AGBL4: variants seen among roughly 807,000 people sequenced by gnomAD.
AGBL4 encodes AGBL carboxypeptidase 4, also known as cytosolic carboxypeptidase 6.
AGBL4 carries 58 observed loss-of-function variants against 66.4 expected under a neutral mutation model. The observed-to-expected ratio is 0.87, with a 90% CI of 0.71 to 1.09. AGBL4 has a LOEUF of 1.09. Among genes scored for constraint, AGBL4 ranks in the 50% least tolerant of loss-of-function variants. The pLI is 0.00. For missense variants in AGBL4, 579 were observed against 631.0 expected (o/e 0.92, Z 0.88); for synonymous variants, 234 against 222.9 (o/e 1.05, Z -0.44).
intron 4 of AGBL4, among the ~76,000 whole-genome samples, chr1:49,207,468 CTCTT>C (rs1019739417): frequency 2.9e-3 from 40 of 13,706 alleles, no homozygotes; most frequent in Non-Finnish European, 7.8e-3. Flanking sequence ...TTCTTTCTTT[CTCTT>C]TCTTTCTTTT....
chr1:48,593,712 T>C (rs776316282), intron 9 of AGBL4, among the ~76,000 whole-genome samples: 2 of 152,008 alleles, frequency 1.3e-5, no homozygotes, highest in Non-Finnish European at 2.9e-5. Flanking sequence ...GATCACGCCA[T>C]TGCACTCCAG....
chr1:49,821,005 A>G lies in AGBL4; in HGVS notation c.157+30391T>C, dbSNP rs576326858. 1.1e-3 allele frequency among the ~76,000 whole-genome samples: 169 copies of G among 152,330 alleles called. 1 individual carries two copies. The highest frequency in any genetic ancestry group is 1.5e-3 in the Non-Finnish European group (99 of 68,026). The stretch of plus-strand genomic sequence containing the variant: ...GTGAAAACACTTTGTTAATCATAAA[A>G]TGCTTACAAATATTAGCAATTATTA... On this transcript the variant is annotated intron_variant, in intron 2 of 13. Coordinates refer to ENST00000371839, the MANE Select transcript of AGBL4 (RefSeq NM_032785.4).
At chr1:49,178,535 A>G (rs751958872) in intron 4 of AGBL4, among the ~76,000 whole-genome samples, 17 of 152,194 alleles carry the variant, frequency 1.1e-4, no homozygotes, top group Non-Finnish European at 1.6e-4. Context: ...ATTCAGCACT[A>G]TATTCTTAGG....
At chr1:48,670,155 A>G (rs1646254021) in intron 6 of AGBL4, among the ~76,000 whole-genome samples, 1 of 152,208 alleles carries the variant, frequency 6.6e-6, no homozygotes. Context: ...CCCTATCTTC[A>G]CAAATGGTGT....
At chr1:49,892,244 T>C (rs933899373) in intron 1 of AGBL4, among the ~76,000 whole-genome samples, 25 of 152,302 alleles carry the variant, frequency 1.6e-4, no homozygotes, top group Admixed American at 7.2e-4. Context: ...ATTTATAAAA[T>C]TGTCAATTTT....
chr1:49,248,747 G>T (rs1412727150), intron 3 of AGBL4, among the ~76,000 whole-genome samples: 2 of 152,046 alleles, frequency 1.3e-5, no homozygotes, highest in Non-Finnish European at 2.9e-5. Flanking sequence ...ATTGTATCTA[G>T]ATCTAAACAG....
chr1:49,190,069 G>GA (rs1647087026), intron 4 of AGBL4, among the ~76,000 whole-genome samples: 1 of 152,202 alleles, frequency 6.6e-6, no homozygotes, highest in African/African-American at 2.4e-5. Flanking sequence ...TTGCTAGCCT[G>GA]TTCTATGTGA....
At chr1:49,582,099 G>C (rs79514213) in intron 3 of AGBL4, among the ~76,000 whole-genome samples, 1,671 of 152,250 alleles carry the variant, frequency 0.011, 27 homozygotes, top group African/African-American at 0.039. Context: ...CAAGTCCTTA[G>C]GTGTCCTACG....
intron 3 of AGBL4, among the ~76,000 whole-genome samples, chr1:49,593,077 T>G (rs933616224): frequency 6.6e-6 from 1 of 152,176 alleles, no homozygotes; most frequent in Admixed American, 6.5e-5. Context: ...ATCACTTTTG[T>G]ACAAGAATAT....
chr1:49,681,044 A>C (rs770631744), intron 3 of AGBL4, among the ~76,000 whole-genome samples: 1 of 151,820 alleles, frequency 6.6e-6, no homozygotes, highest in Non-Finnish European at 1.5e-5. Context: ...TGTATTTTCC[A>C]GTTCTAAAAT....
At chr1:49,160,510 G>A (rs1646519535) in intron 4 of AGBL4, among the ~76,000 whole-genome samples, 1 of 152,138 alleles carries the variant, frequency 6.6e-6, no homozygotes, top group African/African-American at 2.4e-5. Context: ...GTGTCTCCCA[G>A]TCAGGAGACA....
At chr1:49,344,337 G>A (rs749663783) in intron 3 of AGBL4, among the ~76,000 whole-genome samples, 9 of 152,034 alleles carry the variant, frequency 5.9e-5, no homozygotes, top group Non-Finnish European at 1.2e-4. Context: ...AAAGACTACT[G>A]GAGAAACAGT....
chr1:49,328,425 G>A (rs1198528971), intron 3 of AGBL4, among the ~76,000 whole-genome samples: 1 of 152,092 alleles, frequency 6.6e-6, no homozygotes, highest in Non-Finnish European at 1.5e-5. Flanking sequence ...TATTCTTCTT[G>A]TCTTGGTTTT....
At chr1:49,074,086 C>G (rs757011769) in intron 4 of AGBL4, among the ~76,000 whole-genome samples, 5 of 152,306 alleles carry the variant, frequency 3.3e-5, no homozygotes, top group African/African-American at 4.8e-5. Flanking sequence ...GCCCCTCCCC[C>G]CACCAAGCTC....
At chr1:49,373,078 C>A (rs560402616) in intron 3 of AGBL4, among the ~76,000 whole-genome samples, 1 of 152,144 alleles carries the variant, frequency 6.6e-6, no homozygotes, top group East Asian at 1.9e-4. Flanking sequence ...TATTTCATTG[C>A]CTTCACAAAG....
intron 4 of AGBL4, among the ~76,000 whole-genome samples, chr1:49,178,853 T>C (rs891112075): frequency 6.6e-6 from 1 of 152,204 alleles, no homozygotes; most frequent in African/African-American, 2.4e-5. Flanking sequence ...CTTTAATTAG[T>C]CTTGTCACTA....
chr1:49,221,504 T>A (rs945130999), intron 4 of AGBL4, among the ~76,000 whole-genome samples: 3 of 152,114 alleles, frequency 2.0e-5, no homozygotes, highest in African/African-American at 7.2e-5. Flanking sequence ...AAGATAAAAC[T>A]AAAATGCAGA....
chr1:49,184,148 C>T (rs893866997), intron 4 of AGBL4, among the ~76,000 whole-genome samples: 1 of 152,040 alleles, frequency 6.6e-6, no homozygotes, highest in African/African-American at 2.4e-5. Context: ...ACATACTGAC[C>T]CTCTGATATA....
At chr1:49,985,052 A>G (rs770591600) in intron 1 of AGBL4, among the ~76,000 whole-genome samples, 2 of 152,164 alleles carry the variant, frequency 1.3e-5, no homozygotes, top group African/African-American at 2.4e-5. Context: ...GCCCAACTAC[A>G]GTACTACATG....
Sources: allele counts gnomAD v4.1 joint callset (sites outside exome capture counted in the v4.1 genomes callset), GRCh38; gene constraint gnomAD v4.1.1; transcripts MANE v1.5; gene names NCBI Gene and HGNC (gene_info 2026-07-23, HGNC 2026-07-21).